FAM53B: variants seen among roughly 807,000 people sequenced by gnomAD.
The protein encoded by FAM53B is protein FAM53B.
A neutral mutation model predicts 32.7 loss-of-function variants in FAM53B; 12 were observed. That is an observed-to-expected ratio of 0.37 (90% CI 0.24 to 0.59). The LOEUF is 0.59. FAM53B is among the 20% of genes least tolerant of loss of function. The probability of loss-of-function intolerance (pLI) is 0.72; values close to 1 mark genes in which losing one functional copy is unlikely to be tolerated. For missense variants in FAM53B, 477 were observed against 577.7 expected, an observed-to-expected ratio of 0.83 and a Z score of 1.79; for synonymous variants, 234 against 228.7, an observed-to-expected ratio of 1.02 and a Z score of -0.21.
intron 3 of FAM53B, among the ~76,000 whole-genome samples, chr10:124,685,100 T>C (rs1010594503): frequency 2.0e-5 from 3 of 152,214 alleles, no homozygotes; most frequent in Admixed American, 2.0e-4. Flanking sequence ...AATATAAAGC[T>C]GAGCATGAAG....
intron 2 of FAM53B, among the ~76,000 whole-genome samples, chr10:124,699,961 G>A (rs956739828): frequency 3.9e-5 from 6 of 152,190 alleles, no homozygotes; most frequent in Admixed American, 6.5e-5. Flanking sequence ...GTTCTCTTTC[G>A]GGGTGAGTTA....
chr10:124,646,748 A>G (rs943273600), intron 4 of FAM53B, among the ~76,000 whole-genome samples: 4 of 152,240 alleles, frequency 2.6e-5, no homozygotes, highest in Non-Finnish European at 4.4e-5. Flanking sequence ...TGAGCCTGCA[A>G]TACTGGGGTG....
At chr10:124,678,882 G>T (rs1391749135) in intron 4 of FAM53B, among the ~76,000 whole-genome samples, 1 of 152,174 alleles carries the variant, frequency 6.6e-6, no homozygotes, top group African/African-American at 2.4e-5. Context: ...GCCCCCGTGT[G>T]CTCACACACA....
chr10:124,626,450 A>G (rs968124901), intron 4 of FAM53B, among the ~76,000 whole-genome samples: 5 of 143,594 alleles, frequency 3.5e-5, no homozygotes, highest in East Asian at 2.2e-4. Flanking sequence ...TGATGAGGTC[A>G]TGTAGGGGCC....
At chr10:124,701,111 C>T (rs979271784) in intron 2 of FAM53B, among the ~76,000 whole-genome samples, 1 of 152,234 alleles carries the variant, frequency 6.6e-6, no homozygotes, top group Admixed American at 6.5e-5. Context: ...TGAAAGGCAT[C>T]AGGCTGCCCT....
intron 4 of FAM53B, among the ~76,000 whole-genome samples, chr10:124,643,257 T>C (rs1219231991): frequency 2.0e-5 from 3 of 152,168 alleles, no homozygotes; most frequent in Non-Finnish European, 2.9e-5. Context: ...TTCCAATTGA[T>C]TGAGGGGAAA....
At chr10:124,642,834 A>C (rs1949485823) in intron 4 of FAM53B, among the ~76,000 whole-genome samples, 1 of 152,224 alleles carries the variant, frequency 6.6e-6, no homozygotes, top group Non-Finnish European at 1.5e-5. Flanking sequence ...TTGAAGCTGC[A>C]GCACACGGCT....
rs193118474 is a variant in FAM53B, at chr10:124,620,328, G to C, written c.*2914C>G. On this transcript the variant is annotated 3_prime_UTR_variant, in exon 5 of 5. Coordinates refer to ENST00000337318, the MANE Select transcript of FAM53B (RefSeq NM_014661.4). Reference sequence around the variant, plus strand: ...AGCCCCTGGCAGTTTGGTGGCTTTGGAATGAGTGGGGTGCATGTGGCACTA... The same window carrying C: ...AGCCCCTGGCAGTTTGGTGGCTTTGCAATGAGTGGGGTGCATGTGGCACTA... 5 of 151,940 alleles carry C rather than the reference G, an allele frequency of 3.3e-5. No individual in the cohort carries two copies. The highest frequency in any genetic ancestry group is 1.3e-4 in the Admixed American group (2 of 15,132). The allele number at this position is 151,940 out of a possible 1,614,324, so 9.4% of individuals were successfully genotyped here.
At chr10:124,703,381 T>C (rs1949928907) in intron 2 of FAM53B, among the ~76,000 whole-genome samples, 1 of 152,214 alleles carries the variant, frequency 6.6e-6, no homozygotes, top group African/African-American at 2.4e-5. Flanking sequence ...TGCAGAACCA[T>C]AAGCCAAGTA....
intron 3 of FAM53B, among the ~76,000 whole-genome samples, chr10:124,684,512 T>C (rs538722109): frequency 6.6e-6 from 1 of 152,222 alleles, no homozygotes; most frequent in African/African-American, 2.4e-5. Flanking sequence ...AATAAACTAA[T>C]ATACAGTAAA....
chr10:124,649,880 T>C (rs912686468), intron 4 of FAM53B, among the ~76,000 whole-genome samples: 47 of 152,082 alleles, frequency 3.1e-4, no homozygotes, highest in Admixed American at 1.4e-3. Flanking sequence ...AAACGCGCCA[T>C]TCATTTTAAG....
chr10:124,674,893 C>T (rs1589746721), intron 4 of FAM53B, among the ~76,000 whole-genome samples: 3 of 152,350 alleles, frequency 2.0e-5, no homozygotes, highest in African/African-American at 7.2e-5. Context: ...CCCAGCATGG[C>T]CGGGGCTCTC....
At chr10:124,723,794 C>G (rs1394686107) in intron 1 of FAM53B, among the ~76,000 whole-genome samples, 1 of 152,244 alleles carries the variant, frequency 6.6e-6, no homozygotes, top group Non-Finnish European at 1.5e-5. Context: ...GGAGCCTCCA[C>G]AGAGAGCAAA....
At chr10:124,623,820 T>G in intron 4 of FAM53B, 13 of 527,288 alleles carry the variant, frequency 2.5e-5, no homozygotes, top group Non-Finnish European at 3.3e-5. Flanking sequence ...ACACGCGCAA[T>G]TCCACTATTC....
chr10:124,660,766 G>A (rs1206099280), intron 4 of FAM53B, among the ~76,000 whole-genome samples: 1 of 152,172 alleles, frequency 6.6e-6, no homozygotes, highest in Admixed American at 6.5e-5. Context: ...TTCTTAGAGA[G>A]CCAGAGAGTA....
In FAM53B at chr10:124,744,291, G is replaced by C. The variant is rs1950219664; in HGVS notation, c.-453C>G. ...CGTGAACTCGGCCCGGCGCTTAGCGGGCGGTGTCGCGGGCCCGGGCGCTAG... is the reference window on the plus strand; with the variant it reads ...CGTGAACTCGGCCCGGCGCTTAGCGCGCGGTGTCGCGGGCCCGGGCGCTAG... On this transcript the variant is annotated 5_prime_UTR_variant, in exon 1 of 5. Coordinates refer to ENST00000337318, the MANE Select transcript of FAM53B (RefSeq NM_014661.4). 1 of 147,792 alleles carries C rather than the reference G, an allele frequency of 6.8e-6. No homozygotes were observed. Among genetic ancestry groups the C allele is most frequent in the Admixed American group, 6.8e-5 (1 of 14,794 alleles). The allele number at this position is 147,792 out of a possible 1,614,324, so 9.2% of individuals were successfully genotyped here.
chr10:124,648,970 G>C (rs1009790145), intron 4 of FAM53B, among the ~76,000 whole-genome samples: 4 of 152,366 alleles, frequency 2.6e-5, no homozygotes, highest in African/African-American at 4.8e-5. Flanking sequence ...GGGGATGAGA[G>C]CTGTATCCTA....
chr10:124,682,204 C>T lies in FAM53B; in HGVS notation c.309G>A (p.Gly103=). The change falls in exon 4 of 5, where the codon GGG becomes GGA. Residue 103 remains glycine, a synonymous_variant. Coordinates refer to ENST00000337318, the MANE Select transcript of FAM53B (RefSeq NM_014661.4). This position sits in a 1 kb window ranked among gnomAD's most constrained non-coding sequence, Gnocchi z 5.2. ...GCTTGCTAGGGGGTGCTGAGGGGTT[C>T]CCGTTGTGGTCGCTGATGCTGAGGT... ...IKDLSISDHN[G]NPSAPPSKRQ... The T allele has an allele frequency of 6.2e-7, 1 of 1,613,924 alleles. No homozygotes were observed.
At chr10:124,697,111 C>A (rs998616942) in intron 2 of FAM53B, among the ~76,000 whole-genome samples, 8 of 152,122 alleles carry the variant, frequency 5.3e-5, no homozygotes, top group Non-Finnish European at 1.0e-4. Context: ...GACTACCCAG[C>A]CAGAGCCCCA....
Sources: gnomAD v4.1 joint callset for allele counts (sites outside exome capture counted in the v4.1 genomes callset) on GRCh38, gnomAD v4.1.1 for gene constraint, Gnocchi (gnomAD v3.1) non-coding constraint, MANE v1.5 for transcripts, NCBI Gene and HGNC (gene_info 2026-07-23, HGNC 2026-07-21) for gene names.